The following MPDZ variants were observed in gnomAD, a reference collection of about 807,000 sequenced individuals.
MPDZ encodes multiple PDZ domain protein.
A neutral mutation model predicts 239.1 loss-of-function variants in MPDZ; 234 were observed. The observed-to-expected ratio is 0.98, with a 90% confidence interval of 0.88 to 1.09. The LOEUF (loss-of-function observed/expected upper bound fraction) is 1.09. Ranked by LOEUF, MPDZ falls within the 50% of genes least tolerant of loss-of-function variation. MPDZ has a pLI of 0.00. For missense variants in MPDZ, 3,175 were observed against 2,510.0 expected, an observed-to-expected ratio of 1.26 and a Z score of -5.66; for synonymous variants, 1,048 against 881.3, an observed-to-expected ratio of 1.19 and a Z score of -3.35.
chr9:13,201,380 T>A (rs1405494603), intron 12 of MPDZ, among the ~76,000 whole-genome samples: 2 of 152,008 alleles, frequency 1.3e-5, no homozygotes, highest in African/African-American at 4.8e-5. Context: ...GCTAGTCTGA[T>A]TATGATGTGC....
At chr9:13,247,501 T>G in intron 3 of MPDZ, 134 bp downstream of exon 3, 2 of 881,428 alleles carry the variant, frequency 2.3e-6, no homozygotes. Flanking sequence ...AATCTGAATG[T>G]CTCATTTGGA....
At chr9:13,198,726 A>C (rs1587721949) in intron 12 of MPDZ, among the ~76,000 whole-genome samples, 1 of 31,768 alleles carries the variant, frequency 3.1e-5, no homozygotes, top group Non-Finnish European at 1.3e-4. Flanking sequence ...TTAGGTCTTT[A>C]ATCTCTCTCT....
At chr9:13,217,521 T>C (rs1295479210) in intron 8 of MPDZ, among the ~76,000 whole-genome samples, 1 of 151,872 alleles carries the variant, frequency 6.6e-6, no homozygotes, top group Non-Finnish European at 1.5e-5. Context: ...GGTTGAACCT[T>C]CCCTTATCAG....
intron 3 of MPDZ, among the ~76,000 whole-genome samples, chr9:13,242,553 T>C (rs1309297235): frequency 6.7e-6 from 1 of 148,644 alleles, no homozygotes; most frequent in Non-Finnish European, 1.5e-5. Context: ...ACAAAATGAT[T>C]GCTAAAATAA....
intron 31 of MPDZ, chr9:13,134,229 T>G (rs1257907986): frequency 6.4e-6 from 1 of 155,056 alleles, no homozygotes; most frequent in African/African-American, 2.4e-5. Flanking sequence ...AAACCGATGG[T>G]AGCCCAGCTA....
intron 32 of MPDZ, among the ~76,000 whole-genome samples, chr9:13,132,578 C>A (rs1222687783): frequency 6.6e-6 from 1 of 152,110 alleles, no homozygotes; most frequent in Non-Finnish European, 1.5e-5. Context: ...AGCCATCAGG[C>A]AACTCTATAC....
chr9:13,247,871 T>C (rs746458525), intron 2 of MPDZ, 70 bp from the exon 3 acceptor site: 47 of 1,376,248 alleles, frequency 3.4e-5, no homozygotes, highest in Non-Finnish European at 3.9e-5. Flanking sequence ...GAGGACTCCA[T>C]CTTGTAGAAA....
intron 1 of MPDZ, chr9:13,274,385 A>T (rs971911724): frequency 2.6e-5 from 4 of 152,094 alleles, no homozygotes; most frequent in African/African-American, 9.7e-5. Flanking sequence ...GTTTACAAGA[A>T]AATAACAATG....
intron 32 of MPDZ, among the ~76,000 whole-genome samples, chr9:13,130,205 T>C (rs1228210311): frequency 6.6e-6 from 1 of 152,194 alleles, no homozygotes; most frequent in African/African-American, 2.4e-5. Flanking sequence ...GGGTTTAGAT[T>C]CTATGTATGA....
rs1363598487 is a variant in MPDZ at position 13,236,235 on chromosome 9, A to G, written c.183+11400T>C. ...TGTGTGTGTGTGTGTGTATATGTAT[A>G]TGTGTGTGTGTGTGTATATATATAT... On this transcript the variant is annotated intron_variant, in intron 3 of 46. Transcript: ENST00000319217. Among the ~76,000 whole-genome samples, 106 of 23,976 alleles carry G rather than the reference A, an allele frequency of 4.4e-3. 1 individual carries two copies. The highest frequency in any genetic ancestry group is 0.012 in the African/African-American group (100 of 8,192). The allele number at this position is 23,976 out of a possible 152,430, so 15.7% of individuals were successfully genotyped here.
rs1321646828 is a variant in MPDZ at position 13,110,165 on chromosome 9, A to G, written c.5830-101T>C. 1.0e-5 allele frequency: 8 copies of G among 781,378 alleles called. No homozygotes were observed. In the Admixed American group the frequency reaches 1.7e-4, roughly 16 times the overall value. The allele number at this position is 781,378 out of a possible 1,614,324, so 48.4% of individuals were successfully genotyped here. A position where few individuals can be genotyped will look rare whatever the true frequency, so the allele number is the denominator to read the frequency against. On this transcript the variant is annotated intron_variant, in intron 44 of 46. Transcript: ENST00000319217. The stretch of plus-strand genomic sequence containing the variant: ...GCACTTGGATTAAAATGTATATTTT[A>G]TTGTTCATTTAAACATTTCTGTTAA...
chr9:13,204,769 A>C (rs1405783735), intron 12 of MPDZ, among the ~76,000 whole-genome samples: 1 of 152,232 alleles, frequency 6.6e-6, no homozygotes, highest in Non-Finnish European at 1.5e-5. Flanking sequence ...AGTTCTGGTC[A>C]AATAAAAATA....
intron 1 of MPDZ, among the ~76,000 whole-genome samples, chr9:13,271,025 G>C (rs1418311477): frequency 6.6e-6 from 1 of 152,132 alleles, no homozygotes; most frequent in East Asian, 1.9e-4. Context: ...TGAAACTACT[G>C]TGCTGTGCTT....
intron 1 of MPDZ, among the ~76,000 whole-genome samples, chr9:13,271,110 CCTAT>C (rs1333573504): frequency 6.6e-6 from 1 of 152,180 alleles, no homozygotes; most frequent in Non-Finnish European, 1.5e-5. Flanking sequence ...TTAATCATCT[CCTAT>C]CTTTCAAAAT....
chr9:13,203,371 G>C (rs1479240979), intron 12 of MPDZ, among the ~76,000 whole-genome samples: 1 of 152,080 alleles, frequency 6.6e-6, no homozygotes, highest in Non-Finnish European at 1.5e-5. Context: ...ATTATGAATG[G>C]AGAAAGTGGG....
chr9:13,113,355 T>C (rs538219906), intron 41 of MPDZ, among the ~76,000 whole-genome samples: 1 of 152,176 alleles, frequency 6.6e-6, no homozygotes, highest in South Asian at 2.1e-4. Context: ...AAGGCACATG[T>C]GCACGGCTGA....
At chr9:13,112,708 A>C (rs1356285698) in intron 42 of MPDZ, among the ~76,000 whole-genome samples, 1 of 152,214 alleles carries the variant, frequency 6.6e-6, no homozygotes, top group Non-Finnish European at 1.5e-5. Flanking sequence ...TTTCAGAACT[A>C]ATAAGTATCT....
chr9:13,197,083 C>A (rs1017130478), intron 12 of MPDZ, among the ~76,000 whole-genome samples: 6 of 151,646 alleles, frequency 4.0e-5, no homozygotes, highest in Non-Finnish European at 1.5e-5. Flanking sequence ...TCATTCCAGG[C>A]ATATTTTGTA....
chr9:13,276,692 T>G (rs1026805833), intron 1 of MPDZ: 6 of 152,204 alleles, frequency 3.9e-5, no homozygotes, highest in African/African-American at 1.4e-4. Flanking sequence ...CAGTCCAACT[T>G]TGCCTCAAAA....
Sources: gnomAD v4.1 joint callset for allele counts (sites outside exome capture counted in the v4.1 genomes callset) on GRCh38, gnomAD v4.1.1 for gene constraint, MANE v1.5 for transcripts, NCBI Gene and HGNC (gene_info 2026-07-23, HGNC 2026-07-21) for gene names.